SEMA4D: variants seen among roughly 807,000 people sequenced by gnomAD.
SEMA4D encodes the protein semaphorin 4D, also known as semaphorin-4D.
In SEMA4D, 22 loss-of-function variants were observed where a neutral mutation model predicts 74.8. The ratio of observed to expected loss-of-function variants is 0.29; its 90% CI spans 0.21 to 0.42. The LOEUF is 0.42. SEMA4D is among the 10% of genes least tolerant of loss of function. SEMA4D has a pLI of 1.00. For synonymous variants in SEMA4D, 445 were observed against 463.7 expected (o/e 0.96, Z 0.52); for missense variants, 937 against 1,118.4 (o/e 0.84, Z 2.31).
chr9:89,368,269 G>T (rs1279129742), intron 16 of SEMA4D: 1 of 152,310 alleles, frequency 6.6e-6, no homozygotes, highest in African/African-American at 2.4e-5. Context: ...CCCCAGAGGG[G>T]CCATTCTCTG....
chr9:89,363,805 G>A (rs747532814), exon 17 of SEMA4D: 2 of 1,614,036 alleles, frequency 1.2e-6, no homozygotes, highest in Admixed American at 3.3e-5. Context: ...GGACAGAGCA[G>A]CGATACTCAG....
intron 2 of SEMA4D, chr9:89,450,138 G>C (rs1587982312): frequency 1.6e-6 from 2 of 1,263,726 alleles, no homozygotes; most frequent in East Asian, 4.7e-5. Flanking sequence ...GAAGCAGCAT[G>C]TCATCGATGG....
At chr9:89,449,269 C>T (rs1466883346) in intron 2 of SEMA4D, among the ~76,000 whole-genome samples, 3 of 152,182 alleles carry the variant, frequency 2.0e-5, no homozygotes, top group Non-Finnish European at 4.4e-5. Flanking sequence ...ACTCTCAAAG[C>T]CTGATACGGT....
Position 89,447,870 on chromosome 9 carries a change from G to A in SEMA4D, c.-244+8018C>T, listed in dbSNP as rs568787081. Among the ~76,000 whole-genome samples the A allele has an allele frequency of 2.2e-4, 34 of 152,216 alleles. 1 individual carries two copies. The East Asian group carries it at 5.8e-3, about 26-fold the overall frequency. ...TTGCTCCTTTGTTCCCCATGCATAC[G>A]GTGCTCCTCCCCAGGCACAGGCATG... is the stretch of plus-strand genomic sequence containing the variant. On this transcript the variant is annotated intron_variant, in intron 2 of 15. Coordinates refer to ENST00000422704, the MANE Select transcript of SEMA4D (RefSeq NM_001371194.2).
intron 7 of SEMA4D, among the ~76,000 whole-genome samples, chr9:89,392,760 C>G (rs1371872161): frequency 1.3e-5 from 2 of 152,168 alleles, no homozygotes; most frequent in Non-Finnish European, 2.9e-5. Flanking sequence ...CAGAGTCTCA[C>G]TCTGTCACCC....
At chr9:89,452,965 C>A (rs902700860) in intron 2 of SEMA4D, among the ~76,000 whole-genome samples, 17 of 152,324 alleles carry the variant, frequency 1.1e-4, no homozygotes, top group South Asian at 8.3e-4. Context: ...AACAGCCTCA[C>A]AGGGCTGCAG....
chr9:89,390,929 T>G (rs1347587531), intron 9 of SEMA4D, among the ~76,000 whole-genome samples: 1 of 152,252 alleles, frequency 6.6e-6, no homozygotes, highest in East Asian at 1.9e-4. Context: ...TGTTTCACTC[T>G]TAGGTAGATT....
intron 9 of SEMA4D, among the ~76,000 whole-genome samples, chr9:89,389,916 G>C (rs540458887): frequency 6.6e-5 from 10 of 152,262 alleles, no homozygotes; most frequent in African/African-American, 2.2e-4. Context: ...GCAGGTGAAG[G>C]GTTCATGTGT....
At position 89,387,336 on chromosome 9, in the gene SEMA4D, G is replaced by A. The variant is rs757538814; in HGVS notation, c.1330+50C>T. On this transcript the variant is annotated intron_variant, in intron 12 of 15. Coordinates refer to ENST00000422704, the MANE Select transcript of SEMA4D (RefSeq NM_001371194.2). ...TGGATTTCCCAGTTTTCCTACCAGA[G>A]GACACAGATGTGCTGTCACTGTCAA... The A allele has an allele frequency of 4.8e-6, 7 of 1,452,774 alleles. No individual in the cohort carries two copies. The East Asian group carries it at 1.6e-4, about 33-fold the overall frequency. The allele number at this position is 1,452,774 out of a possible 1,614,324, so 90.0% of individuals were successfully genotyped here. A position where few individuals can be genotyped will look rare whatever the true frequency, so the allele number is the denominator to read the frequency against.
intron 2 of SEMA4D, among the ~76,000 whole-genome samples, chr9:89,421,798 T>A (rs535477192): frequency 6.6e-6 from 1 of 151,994 alleles, no homozygotes; most frequent in Non-Finnish European, 1.5e-5. Flanking sequence ...ACCGTGTGTG[T>A]GCGTGTGTGT....
intron 7 of SEMA4D, among the ~76,000 whole-genome samples, chr9:89,393,210 A>C (rs549806967): frequency 6.6e-6 from 1 of 152,332 alleles, no homozygotes; most frequent in South Asian, 2.1e-4. Context: ...CAGTGGGTAC[A>C]CACCAGGCTA....
chr9:89,480,473 C>T lies in SEMA4D; in HGVS notation c.-310+17446G>A, dbSNP rs1474380062. Among the ~76,000 whole-genome samples, 5 of 152,322 alleles carry T rather than the reference C, an allele frequency of 3.3e-5. No individual in the cohort carries two copies. In the East Asian group the frequency reaches 7.7e-4, roughly 24 times the overall value. On this transcript the variant is annotated intron_variant, in intron 1 of 15. Coordinates refer to ENST00000422704, the MANE Select transcript of SEMA4D (RefSeq NM_001371194.2). ...CTGGGCGCCGTGGAGCAGGGGGTGG[C>T]TCTCGTCGGGGAGGCTCGGGCCGCA...
chr9:89,379,432 C>T lies in SEMA4D; in HGVS notation c.1861G>A (p.Val621Met), dbSNP rs532923739. The T allele has an allele frequency of 1.2e-6, 2 of 1,614,168 alleles. No individual in the cohort carries two copies. Among genetic ancestry groups the T allele is most frequent in the African/African-American group, 1.3e-5 (1 of 75,046 alleles). ...CTCTCCTCTGACAGGCACTGGTACA[C>T]CCCACTGTCTCCTTCTGACAAGTTG... The part of the protein sequence containing the change: ...IFNLSEGDSG[V>M]YQCLSEERVK... The change falls in exon 16 of 16, where the codon GTG becomes ATG. Residue 621 changes from valine to methionine, a missense_variant. Val to Met is a conservative substitution (Grantham distance 21, BLOSUM62 1). Transcript: ENST00000422704.
downstream of SEMA4D, chr9:89,376,784 G>A (rs1835850026): frequency 6.6e-7 from 1 of 1,519,434 alleles, no homozygotes; most frequent in Non-Finnish European, 8.9e-7. Flanking sequence ...CCCACCTGTG[G>A]GAGGAGACAG....
chr9:89,437,852 A>G (rs571170333), intron 2 of SEMA4D, among the ~76,000 whole-genome samples: 1 of 152,376 alleles, frequency 6.6e-6, no homozygotes, highest in East Asian at 1.9e-4. Context: ...TAGCCAGGAC[A>G]GGGACATGCT....
chr9:89,371,325 T>G (rs1459762307), intron 16 of SEMA4D, among the ~76,000 whole-genome samples: 5 of 76,222 alleles, frequency 6.6e-5, no homozygotes, highest in African/African-American at 1.1e-4. Flanking sequence ...TGTGTGGGGT[T>G]GGTGTGTGTC....
At chr9:89,496,885 C>T (rs1826060464) in intron 1 of SEMA4D, among the ~76,000 whole-genome samples, 1 of 152,230 alleles carries the variant, frequency 6.6e-6, no homozygotes. Context: ...TGAAAAGACT[C>T]AGAACAGCAG....
rs762945622 is a variant in SEMA4D at position 89,381,196 on chromosome 9, G to A, written c.1597C>T (p.His533Tyr). Residue 533 changes from histidine to tyrosine, a missense_variant, in exon 14 of 16, where the codon CAC becomes TAC. Physicochemically the swap from His to Tyr is moderately conservative, Grantham distance 83 (BLOSUM62 2). Transcript: ENST00000422704. The surrounding 1 kb of genome is among the most constrained non-coding windows in gnomAD (Gnocchi z 4.6). ...SPPTATCVAL[H>Y]QTESPSRGLI... Reference sequence around the variant, plus strand: ...TACCTGCTGGGGCTCTCGGTCTGGTGCAGAGCCACGCAGGTCGCTGTGGGC... The same window carrying A: ...TACCTGCTGGGGCTCTCGGTCTGGTACAGAGCCACGCAGGTCGCTGTGGGC... The A allele has an allele frequency of 1.4e-5, 23 of 1,610,968 alleles. No individual in the cohort carries two copies. The South Asian group carries it at 2.4e-4, about 17-fold the overall frequency.
downstream of SEMA4D, among the ~76,000 whole-genome samples, chr9:89,375,222 G>A (rs7019349): frequency 1.8e-4 from 27 of 152,150 alleles, no homozygotes; most frequent in Non-Finnish European, 2.9e-4. Flanking sequence ...CCAGTGCTGC[G>A]ACAGGACACA....
Sources: gnomAD v4.1 joint callset for allele counts (sites outside exome capture counted in the v4.1 genomes callset) on GRCh38, gnomAD v4.1.1 for gene constraint, Gnocchi (gnomAD v3.1) non-coding constraint, MANE v1.5 for transcripts, NCBI Gene and HGNC (gene_info 2026-07-23, HGNC 2026-07-21) for gene names.